SNX24: variants seen among roughly 807,000 people sequenced by gnomAD.
SNX24 encodes sorting nexin 24.
SNX24 carries 22 observed loss-of-function variants against 28.7 expected under a neutral mutation model. The ratio of observed to expected loss-of-function variants is 0.77; its 90% CI spans 0.55 to 1.10. The LOEUF (loss-of-function observed/expected upper bound fraction) is 1.10. SNX24 is among the 50% of genes least tolerant of loss of function. SNX24 has a pLI of 0.00. For synonymous variants in SNX24, 69 were observed against 71.5 expected (o/e 0.96, Z 0.18); for missense variants, 221 against 201.1 (o/e 1.10, Z -0.60).
At chr5:122,885,008 A>C (rs1756645285) in intron 1 of SNX24, among the ~76,000 whole-genome samples, 1 of 152,248 alleles carries the variant, frequency 6.6e-6, no homozygotes, top group African/African-American at 2.4e-5. Flanking sequence ...TATTATGGAA[A>C]AGAACATGTT....
At chr5:122,908,464 A>G (rs1277850300) in intron 1 of SNX24, among the ~76,000 whole-genome samples, 1 of 152,238 alleles carries the variant, frequency 6.6e-6, no homozygotes, top group Non-Finnish European at 1.5e-5. Flanking sequence ...AAGAAAAATT[A>G]TCCTGTTATG....
At chr5:122,913,525 G>A (rs1758006305) in intron 1 of SNX24, among the ~76,000 whole-genome samples, 1 of 152,082 alleles carries the variant, frequency 6.6e-6, no homozygotes, top group Admixed American at 6.5e-5. Flanking sequence ...GCCTGGCGGA[G>A]GGGCTCCTCA....
chr5:122,979,514 C>G (rs539237660), intron 3 of SNX24, among the ~76,000 whole-genome samples: 1 of 152,058 alleles, frequency 6.6e-6, no homozygotes. Flanking sequence ...GTTTGGAAAC[C>G]GTGCATACCT....
intron 1 of SNX24, among the ~76,000 whole-genome samples, chr5:122,896,681 C>T (rs1029702186): frequency 2.0e-5 from 3 of 152,106 alleles, no homozygotes; most frequent in Admixed American, 6.5e-5. Context: ...TATGTACTGT[C>T]GGGAAAAAAA....
At chr5:122,978,217 A>C (rs945557922) in intron 3 of SNX24, among the ~76,000 whole-genome samples, 8 of 152,228 alleles carry the variant, frequency 5.3e-5, no homozygotes, top group African/African-American at 1.7e-4. Context: ...AGAAGTGTTT[A>C]CAAGTGTGAT....
rs564219036 is a variant in SNX24 at position 122,860,888 on chromosome 5, G to A, written c.60+15195G>A. On this transcript the variant is annotated intron_variant, in intron 1 of 6. Transcript: ENST00000261369. ...TGGGATTACAGGCATGAGCCACTGC[G>A]CCCGGCCAAGAAAATTTTTAAAAGC... Among the ~76,000 whole-genome samples, 12 of 152,060 alleles carry A rather than the reference G, an allele frequency of 7.9e-5. No individual in the cohort carries two copies. The South Asian group carries it at 2.1e-3, about 26-fold the overall frequency.
intron 3 of SNX24, among the ~76,000 whole-genome samples, chr5:122,984,666 G>A (rs1381907741): frequency 6.6e-6 from 1 of 152,188 alleles, no homozygotes; most frequent in Admixed American, 6.5e-5. Flanking sequence ...CAGAGTTCAG[G>A]TTGCTGTCTG....
At chr5:123,000,823 A>G (rs1177285198) in intron 4 of SNX24, among the ~76,000 whole-genome samples, 1 of 152,160 alleles carries the variant, frequency 6.6e-6, no homozygotes, top group East Asian at 1.9e-4. Context: ...CATGCAGGAG[A>G]GAGGTTTACC....
chr5:122,928,700 T>G (rs2910140), intron 1 of SNX24, among the ~76,000 whole-genome samples: 1 of 151,494 alleles, frequency 6.6e-6, no homozygotes, highest in Admixed American at 6.6e-5. Flanking sequence ...CACACACCCC[T>G]GCCAGTACCT....
chr5:122,863,893 G>A (rs1054289412), intron 1 of SNX24, among the ~76,000 whole-genome samples: 17 of 151,994 alleles, frequency 1.1e-4, no homozygotes, highest in African/African-American at 3.4e-4. Flanking sequence ...AGGCAGAGGA[G>A]CGACGTGATT....
chr5:123,026,037 G>A, intron 5 of SNX24: 1 of 1,342,966 alleles, frequency 7.4e-7, no homozygotes, highest in Non-Finnish European at 1.0e-6. Flanking sequence ...GGAAACATAA[G>A]GCCTTAGAGG....
chr5:122,915,529 G>A (rs1368795357), intron 1 of SNX24, among the ~76,000 whole-genome samples: 1 of 152,150 alleles, frequency 6.6e-6, no homozygotes, highest in Non-Finnish European at 1.5e-5. Context: ...AGTAGGCTGA[G>A]GTGGGAGGAT....
Position 122,883,858 on chromosome 5 carries a change from A to G in SNX24, c.60+38165A>G, listed in dbSNP as rs139332932. ...TTTGGTGGAGATGGGTTCTCAATCT[A>G]TTGCCCAGCTGGTATTGAACTCCTG... On this transcript the variant is annotated intron_variant, in intron 1 of 6. Coordinates refer to ENST00000261369, the MANE Select transcript of SNX24 (RefSeq NM_014035.4). 5.9e-5 allele frequency among the ~76,000 whole-genome samples: 9 copies of G among 151,742 alleles called. No homozygotes were observed. In the East Asian group the frequency reaches 9.7e-4, roughly 16 times the overall value.
chr5:123,028,357 C>G lies in SNX24; in HGVS notation n.384-881C>G, dbSNP rs45627139. 3.2e-3 allele frequency: 523 copies of G among 161,708 alleles called. 4 individuals carry two copies. The highest frequency in any genetic ancestry group is 0.012 in the African/African-American group (498 of 41,922). The allele number at this position is 161,708 out of a possible 1,614,324, so 10.0% of individuals were successfully genotyped here. A position where few individuals can be genotyped will look rare whatever the true frequency, so the allele number is the denominator to read the frequency against. On this transcript the variant is annotated intron_variant and non_coding_transcript_variant, in intron 5 of 5. Coordinates refer to the SNX24 transcript ENST00000502387. Reference sequence around the variant, plus strand: ...GTGCGCTGTGACCCTGCTGCTAACTCTAGTCTCAATCTCCTGGCATGAGGC... The same window carrying G: ...GTGCGCTGTGACCCTGCTGCTAACTGTAGTCTCAATCTCCTGGCATGAGGC...
intron 1 of SNX24, among the ~76,000 whole-genome samples, chr5:122,893,804 G>A (rs1175316022): frequency 1.3e-5 from 2 of 152,114 alleles, no homozygotes; most frequent in African/African-American, 2.4e-5. Context: ...AGCACTTTGC[G>A]AGGCCAAGGC....
At chr5:122,863,362 A>G (rs561399953) in intron 1 of SNX24, among the ~76,000 whole-genome samples, 82 of 152,136 alleles carry the variant, frequency 5.4e-4, no homozygotes, top group Middle Eastern at 6.8e-3. Context: ...TGTTTTAGGA[A>G]TAGAAAGGAT....
chr5:122,952,898 C>G (rs1325380260), intron 3 of SNX24, among the ~76,000 whole-genome samples: 2 of 152,034 alleles, frequency 1.3e-5, no homozygotes, highest in Non-Finnish European at 2.9e-5. Flanking sequence ...AAACGTCAAA[C>G]AAAAGACATA....
At chr5:122,940,149 A>G (rs2150120263) in intron 2 of SNX24, among the ~76,000 whole-genome samples, 1 of 152,144 alleles carries the variant, frequency 6.6e-6, no homozygotes, top group East Asian at 1.9e-4. Flanking sequence ...ACCTGCCACC[A>G]TGCCTGGCTA....
At chr5:122,926,047 A>G (rs1239307972) in intron 1 of SNX24, among the ~76,000 whole-genome samples, 1 of 130,174 alleles carries the variant, frequency 7.7e-6, no homozygotes, top group African/African-American at 3.1e-5. Flanking sequence ...ACACCAGACC[A>G]TGGTAAATGC....
Sources: allele counts gnomAD v4.1 joint callset (sites outside exome capture counted in the v4.1 genomes callset), GRCh38; gene constraint gnomAD v4.1.1; transcripts MANE v1.5; gene names NCBI Gene and HGNC (gene_info 2026-07-23, HGNC 2026-07-21).